Variants in FLT3 observed in about 807,000 individuals in gnomAD.
FLT3 encodes receptor-type tyrosine-protein kinase FLT3.
A neutral mutation model predicts 126.6 loss-of-function variants in FLT3; 46 were observed. That is an observed-to-expected ratio of 0.36 (90% confidence interval 0.29 to 0.46). The LOEUF (loss-of-function observed/expected upper bound fraction) is 0.46. Ranked by LOEUF, FLT3 falls within the 20% of genes least tolerant of loss-of-function variation. FLT3 has a pLI of 1.00. For missense variants in FLT3, 1,069 were observed against 1,190.3 expected (o/e 0.90, Z 1.50); for synonymous variants, 404 against 434.4 (o/e 0.93, Z 0.87).
In FLT3 at chr13:28,084,844, G is replaced by A. The variant is rs553988417; in HGVS notation, c.44-14232C>T. On this transcript the variant is annotated intron_variant, in intron 1 of 23. Transcript: ENST00000241453. ...CAAAAAATTAGCCGGGCGTGGTGGCGGGCGCCTGTAGTCCCAGCTACTCGG... is the reference window on the plus strand; with the variant it reads ...CAAAAAATTAGCCGGGCGTGGTGGCAGGCGCCTGTAGTCCCAGCTACTCGG... Among the ~76,000 whole-genome samples the A allele has an allele frequency of 7.9e-5, 12 of 151,908 alleles. 1 individual carries two copies. The South Asian group carries it at 1.9e-3, about 24-fold the overall frequency.
At chr13:28,018,446 A>G (rs758974112) in intron 20 of FLT3, 21 bp downstream of exon 20, 1 of 1,613,294 alleles carries the variant, frequency 6.2e-7, no homozygotes, top group Admixed American at 1.7e-5. Context: ...TATAAAAATA[A>G]GTAGGAAATA....
intron 9 of FLT3, among the ~76,000 whole-genome samples, chr13:28,039,007 C>G (rs2491239): frequency 0.73 from 110,328 of 151,738 alleles, 41,297 homozygotes; most frequent in East Asian, 0.87. Context: ...AGGTTCGGGG[C>G]CTTCATAGAG....
chr13:28,081,464 A>G (rs1878301261), intron 1 of FLT3, among the ~76,000 whole-genome samples: 1 of 152,186 alleles, frequency 6.6e-6, no homozygotes, highest in Admixed American at 6.5e-5. Flanking sequence ...ACATCCTGCA[A>G]ACTTACAGAA....
At position 28,004,193 on chromosome 13, in the gene FLT3, CAG is replaced by C. The variant is rs769921000; in HGVS notation, c.2860-21_2860-20del. 5 of 1,613,238 alleles carry C rather than the reference CAG, an allele frequency of 3.1e-6. No homozygotes were observed. The highest frequency in any genetic ancestry group is 1.7e-5 in the Admixed American group (1 of 59,984). On this transcript the variant is annotated intron_variant, in intron 23 of 23. Transcript: ENST00000241453. ...GATACATCTGAATGTGGGAAAGAGACAGAACACTGATTACCATCTGATGTAGA... is the reference window on the plus strand; with the variant it reads ...GATACATCTGAATGTGGGAAAGAGACAACACTGATTACCATCTGATGTAGA...
At chr13:28,093,139 T>A (rs1879231360) in intron 1 of FLT3, among the ~76,000 whole-genome samples, 1 of 151,874 alleles carries the variant, frequency 6.6e-6, no homozygotes, top group Non-Finnish European at 1.5e-5. Context: ...TTGCCCAGGC[T>A]GGCCTCAAAC....
chr13:28,089,810 C>T (rs2137824014), intron 1 of FLT3, among the ~76,000 whole-genome samples: 1 of 151,358 alleles, frequency 6.6e-6, no homozygotes. Flanking sequence ...TCTTGGCTCA[C>T]TGCAACCTCC....
At chr13:28,084,244 C>T (rs1397417448) in intron 1 of FLT3, among the ~76,000 whole-genome samples, 1 of 152,076 alleles carries the variant, frequency 6.6e-6, no homozygotes, top group East Asian at 1.9e-4. Flanking sequence ...CTTGCCACCT[C>T]AGCCTCCAAA....
Position 28,033,943 on chromosome 13 carries a change from G to A in FLT3, c.1886C>T (p.Ala629Val). The change falls in exon 15 of 24, where the codon GCT becomes GTT. Residue 629 changes from alanine to valine, a missense_variant. Physicochemically the swap from Ala to Val is moderately conservative, Grantham distance 64. Transcript: ENST00000241453. The part of the protein sequence containing the change: ...GAFGKVMNAT[A>V]YGISKTGVSI... ...GACTCCTGTTTTGCTAATTCCATAA[G>A]CTGTTGCGTTCATCACTTTTCCAAA... 1 of 1,614,168 alleles carries A rather than the reference G, an allele frequency of 6.2e-7. No homozygotes were observed. Among genetic ancestry groups the A allele is most frequent in the Non-Finnish European group, 8.5e-7 (1 of 1,180,014 alleles).
rs11409962 is a variant in FLT3 at position 28,008,275 on chromosome 13, C to CAAAA, written c.2860-4105_2860-4102dup. ...GGCTGCAATGAGCAAGAACCTGTCT[C>CAAAA]AAAAAAAAAAAAAAAAAAAAAAGGA... is the stretch of plus-strand genomic sequence containing the variant. On this transcript the variant is annotated intron_variant, in intron 23 of 23. Coordinates refer to ENST00000241453, the MANE Select transcript of FLT3 (RefSeq NM_004119.3). Among the ~76,000 whole-genome samples, 20 of 87,058 alleles carry CAAAA rather than the reference C, an allele frequency of 2.3e-4. 1 individual carries two copies. The East Asian group carries it at 3.3e-3, about 14-fold the overall frequency. 57.1% of individuals were successfully genotyped at this position (87,058 alleles called of 152,430 possible).
At chr13:28,010,404 G>C (rs1871255775) in intron 23 of FLT3, among the ~76,000 whole-genome samples, 1 of 152,226 alleles carries the variant, frequency 6.6e-6, no homozygotes, top group Non-Finnish European at 1.5e-5. Context: ...AGCTGAAAGT[G>C]TTAATGAGAA....
chr13:28,079,007 C>T (rs1000524703), intron 1 of FLT3, among the ~76,000 whole-genome samples: 3 of 152,152 alleles, frequency 2.0e-5, no homozygotes, highest in Admixed American at 6.6e-5. Context: ...CCACCATGCC[C>T]GGCCTGGGTT....
rs1264826559 is a variant in FLT3 at position 28,015,202 on chromosome 13, T to G, written c.2708A>C (p.Gln903Pro). 3 of 1,612,892 alleles carry G rather than the reference T, an allele frequency of 1.9e-6. No individual in the cohort carries two copies. The highest frequency in any genetic ancestry group is 2.5e-6 in the Non-Finnish European group (3 of 1,178,952). ...PVDANFYKLI[Q>P]NGFKMDQPFY... Reference sequence around the variant, plus strand: ...TGGCTGATCCATTTTAAATCCATTTTGAATCAGTTTGTAGAAGTTAGCATC... The same window carrying G: ...TGGCTGATCCATTTTAAATCCATTTGGAATCAGTTTGTAGAAGTTAGCATC... Residue 903 changes from glutamine (Q) to proline (P), a missense_variant, in exon 22 of 24, where the codon CAA becomes CCA. Transcript: ENST00000241453.
At chr13:28,091,915 C>CA (rs1348966745) in intron 1 of FLT3, among the ~76,000 whole-genome samples, 1 of 151,822 alleles carries the variant, frequency 6.6e-6, no homozygotes, top group Admixed American at 6.6e-5. Flanking sequence ...ACTAAAAATA[C>CA]AAAAATTAGC....
chr13:28,092,995 C>T (rs1204409063), intron 1 of FLT3, among the ~76,000 whole-genome samples: 2 of 139,818 alleles, frequency 1.4e-5, no homozygotes, highest in Non-Finnish European at 3.1e-5. Context: ...GATCTCGGCT[C>T]GCTGCAACCT....
chr13:28,077,025 AAGAAAG>A (rs1419273787), intron 1 of FLT3, among the ~76,000 whole-genome samples: 136 of 5,274 alleles, frequency 0.026, no homozygotes, highest in Non-Finnish European at 0.057. Flanking sequence ...AAGGAAGGAA[AAGAAAG>A]AGAGAGAGAG....
chr13:28,022,322 G>A lies in FLT3; in HGVS notation c.2418+1028C>T, dbSNP rs541671683. ...AGCTCAGGATTTCAAGACCAGCCTG[G>A]GCAACATGGTGAATTCCCATCTCTA... On this transcript the variant is annotated intron_variant, in intron 19 of 23. Transcript: ENST00000241453. Among the ~76,000 whole-genome samples the A allele has an allele frequency of 2.6e-4, 40 of 152,128 alleles. No homozygotes were observed. The South Asian group carries it at 7.7e-3, about 29-fold the overall frequency.
chr13:28,078,264 ACCCTGC>A (rs1878096063), intron 1 of FLT3, among the ~76,000 whole-genome samples: 2 of 152,152 alleles, frequency 1.3e-5, no homozygotes, highest in South Asian at 4.1e-4. Flanking sequence ...CTCCATGAGG[ACCCTGC>A]CCCTGCAGCA....
At chr13:28,040,751 C>T (rs1455329082) in intron 9 of FLT3, among the ~76,000 whole-genome samples, 5 of 152,086 alleles carry the variant, frequency 3.3e-5, no homozygotes, top group Non-Finnish European at 5.9e-5. Context: ...AATCCCAGCA[C>T]TCTGAGAGGC....
chr13:28,020,423 A>G (rs1872283361), intron 19 of FLT3, among the ~76,000 whole-genome samples: 1 of 152,172 alleles, frequency 6.6e-6, no homozygotes, highest in Non-Finnish European at 1.5e-5. Flanking sequence ...ATCTCTGCTC[A>G]CTGCAACCTC....
Sources: gnomAD v4.1 joint callset for allele counts (sites outside exome capture counted in the v4.1 genomes callset) on GRCh38, gnomAD v4.1.1 for gene constraint, MANE v1.5 for transcripts, NCBI Gene and HGNC (gene_info 2026-07-23, HGNC 2026-07-21) for gene names.